The following SLC24A2 variants were observed in gnomAD, a reference collection of about 807,000 sequenced individuals.
SLC24A2 encodes sodium/potassium/calcium exchanger 2.
SLC24A2 carries 36 observed loss-of-function variants against 62.0 expected under a neutral mutation model. That is an observed-to-expected ratio of 0.58 (90% confidence interval 0.44 to 0.77). The LOEUF (loss-of-function observed/expected upper bound fraction) is 0.77. Among genes scored for constraint, SLC24A2 ranks in the 30% least tolerant of loss-of-function variants. The pLI is 0.00. For synonymous variants in SLC24A2, 358 were observed against 294.0 expected (o/e 1.22, Z -2.23); for missense variants, 846 against 817.9 (o/e 1.03, Z -0.42).
chr9:19,690,821 ATG>A (rs1340297058), intron 2 of SLC24A2, among the ~76,000 whole-genome samples: 1 of 152,090 alleles, frequency 6.6e-6, no homozygotes, highest in Non-Finnish European at 1.5e-5. Context: ...TGAATAATGA[ATG>A]TGCACAGTAC....
the SLC24A2 span, among the ~76,000 whole-genome samples, chr9:20,119,449 A>G: frequency 9.7e-4 from 148 of 152,332 alleles, 1 homozygote; most frequent in African/African-American, 3.4e-3. Flanking sequence ...CAAAGTTGGT[A>G]TAACATTCAA....
At chr9:19,727,498 A>T (rs1421190271) in intron 2 of SLC24A2, among the ~76,000 whole-genome samples, 1 of 152,050 alleles carries the variant, frequency 6.6e-6, no homozygotes, top group East Asian at 1.9e-4. Context: ...CCTCCCCTAC[A>T]AGAAGGGAAG....
chr9:20,013,533 C>G, the SLC24A2 span, among the ~76,000 whole-genome samples: 1 of 152,170 alleles, frequency 6.6e-6, no homozygotes, highest in Admixed American at 6.5e-5. Context: ...TTCAAAAGCA[C>G]AGGCAACAAC....
intron 2 of SLC24A2, among the ~76,000 whole-genome samples, chr9:19,683,299 T>G (rs530598678): frequency 2.6e-5 from 4 of 152,164 alleles, no homozygotes; most frequent in Non-Finnish European, 5.9e-5. Flanking sequence ...GAAACACAGG[T>G]CTTTGCTCCT....
intron 8 of SLC24A2, among the ~76,000 whole-genome samples, chr9:19,546,695 G>GGT (rs1267733147): frequency 1.3e-5 from 2 of 152,012 alleles, no homozygotes; most frequent in East Asian, 3.9e-4. Flanking sequence ...GGAAGTGAAT[G>GGT]GTTCTGTCTC....
chr9:20,091,537 G>A, the SLC24A2 span, among the ~76,000 whole-genome samples: 2 of 151,908 alleles, frequency 1.3e-5, no homozygotes, highest in African/African-American at 2.4e-5. Context: ...AGAGACTGGG[G>A]ACCTATATTC....
At chr9:20,207,837 G>A in the SLC24A2 span, among the ~76,000 whole-genome samples, 7 of 152,172 alleles carry the variant, frequency 4.6e-5, no homozygotes, top group Non-Finnish European at 7.3e-5. Flanking sequence ...GGGGGAGAGG[G>A]GGATCTATAA....
intron 8 of SLC24A2, among the ~76,000 whole-genome samples, chr9:19,541,433 C>G (rs560917463): frequency 1.3e-4 from 20 of 151,980 alleles, no homozygotes; most frequent in Non-Finnish European, 2.1e-4. Context: ...CAGACAGGAC[C>G]GTCAGCTGCA....
intron 2 of SLC24A2, among the ~76,000 whole-genome samples, chr9:19,660,139 G>C (rs7044981): frequency 0.026 from 3,960 of 152,258 alleles, 67 homozygotes; most frequent in East Asian, 0.089. Context: ...TTCCGGACCA[G>C]CTCAGTGCCT....
chr9:20,066,428 C>G, the SLC24A2 span, among the ~76,000 whole-genome samples: 2 of 152,080 alleles, frequency 1.3e-5, no homozygotes, highest in Admixed American at 6.6e-5. Flanking sequence ...AGGGGGGAAA[C>G]GGGAAATTAA....
At chr9:19,820,010 T>C in the SLC24A2 span, among the ~76,000 whole-genome samples, 1 of 99,376 alleles carries the variant, frequency 1.0e-5, no homozygotes, top group African/African-American at 4.1e-5. Context: ...TATATATGTG[T>C]ATATATATAT....
At chr9:20,090,999 A>T in the SLC24A2 span, among the ~76,000 whole-genome samples, 89 of 152,296 alleles carry the variant, frequency 5.8e-4, 1 homozygote, top group Admixed American at 3.3e-3. Context: ...AGACAGTATA[A>T]AACAGAACCT....
At chr9:20,039,715 A>T in the SLC24A2 span, among the ~76,000 whole-genome samples, 1 of 152,114 alleles carries the variant, frequency 6.6e-6, no homozygotes, top group Non-Finnish European at 1.5e-5. Flanking sequence ...ATGGGGATTC[A>T]GTTGTAAGAA....
the SLC24A2 span, among the ~76,000 whole-genome samples, chr9:19,945,148 T>TA: frequency 6.6e-6 from 1 of 152,156 alleles, no homozygotes; most frequent in South Asian, 2.1e-4. Flanking sequence ...TAAAAGACAT[T>TA]AAAATCCAGA....
At chr9:20,292,675 C>T in the SLC24A2 span, among the ~76,000 whole-genome samples, 1 of 152,214 alleles carries the variant, frequency 6.6e-6, no homozygotes, top group Non-Finnish European at 1.5e-5. Context: ...GCACAAACAG[C>T]TCACTGCAAC....
chr9:20,209,009 C>T, the SLC24A2 span, among the ~76,000 whole-genome samples: 10 of 152,182 alleles, frequency 6.6e-5, no homozygotes, highest in Non-Finnish European at 1.3e-4. Context: ...TCCCAGTTAA[C>T]TTATTTACCT....
chr9:20,103,267 C>A, the SLC24A2 span, among the ~76,000 whole-genome samples: 1 of 152,206 alleles, frequency 6.6e-6, no homozygotes, highest in African/African-American at 2.4e-5. Context: ...CCTCTGGGGG[C>A]AGGGCACAGA....
intron 10 of SLC24A2, 80 bp downstream of exon 10, chr9:19,520,814 G>T: frequency 7.4e-7 from 1 of 1,349,948 alleles, no homozygotes; most frequent in Non-Finnish European, 1.1e-6. Context: ...CAGAGATCCT[G>T]GTCATGTCTT....
At chr9:19,728,551 T>A (rs1016878500) in intron 2 of SLC24A2, among the ~76,000 whole-genome samples, 1 of 152,258 alleles carries the variant, frequency 6.6e-6, no homozygotes, top group Non-Finnish European at 1.5e-5. Context: ...AATCTTAACC[T>A]GTCACACCTG....
Sources: gnomAD v4.1 joint callset for allele counts (sites outside exome capture counted in the v4.1 genomes callset) on GRCh38, gnomAD v4.1.1 for gene constraint, MANE v1.5 for transcripts, NCBI Gene and HGNC (gene_info 2026-07-23, HGNC 2026-07-21) for gene names.